IQCH: variants seen among roughly 807,000 people sequenced by gnomAD.
IQCH encodes the protein IQ domain-containing protein H.
In IQCH, 98 loss-of-function variants were observed where a neutral mutation model predicts 117.0. The ratio of observed to expected loss-of-function variants is 0.84; its 90% CI spans 0.71 to 0.99. IQCH has a LOEUF of 0.99. IQCH is among the 50% of genes least tolerant of loss of function. The probability of loss-of-function intolerance (pLI) is 0.00; values close to 1 mark genes in which losing one functional copy is unlikely to be tolerated. For missense variants in IQCH, 1,102 were observed against 1,243.8 expected, an observed-to-expected ratio of 0.89 and a Z score of 1.72; for synonymous variants, 412 against 448.2, an observed-to-expected ratio of 0.92 and a Z score of 1.02.
At position 67,387,566 on chromosome 15, in the gene IQCH, T is replaced by C. The variant is rs1971147184; in HGVS notation, c.1457-1265T>C. Among the ~76,000 whole-genome samples, 1 of 152,078 alleles carries C rather than the reference T, an allele frequency of 6.6e-6. No individual in the cohort carries two copies. The highest frequency in any genetic ancestry group is 6.5e-5 in the Admixed American group (1 of 15,272). On this transcript the variant is annotated intron_variant, in intron 11 of 20. Coordinates refer to ENST00000335894, the MANE Select transcript of IQCH (RefSeq NM_001031715.3). The surrounding 1 kb of genome is among the most constrained non-coding windows in gnomAD (Gnocchi z 4.8). Reference sequence around the variant, plus strand: ...GAGAACACTACTTCATGTTAAATCTTGCACTGATCAAAAGGAATGTAGGTG... The same window carrying C: ...GAGAACACTACTTCATGTTAAATCTCGCACTGATCAAAAGGAATGTAGGTG...
chr15:67,275,879 CAAAT>C (rs958938998), intron 3 of IQCH, among the ~76,000 whole-genome samples: 1 of 151,962 alleles, frequency 6.6e-6, no homozygotes, highest in Non-Finnish European at 1.5e-5. Flanking sequence ...GATCTTGTTT[CAAAT>C]AAATAAATAT....
At chr15:67,392,622 C>T (rs900439828) in intron 12 of IQCH, among the ~76,000 whole-genome samples, 13 of 151,828 alleles carry the variant, frequency 8.6e-5, no homozygotes, top group African/African-American at 3.1e-4. Context: ...ACAAAAAATA[C>T]AAAAATTAGC....
chr15:67,269,979 C>G (rs1965835906), intron 3 of IQCH, among the ~76,000 whole-genome samples: 1 of 152,066 alleles, frequency 6.6e-6, no homozygotes, highest in Admixed American at 6.5e-5. Flanking sequence ...ATACTGGTTT[C>G]CTTTCTTTTG....
At chr15:67,265,580 A>G (rs865851931) in intron 3 of IQCH, among the ~76,000 whole-genome samples, 1 of 152,162 alleles carries the variant, frequency 6.6e-6, no homozygotes, top group South Asian at 2.1e-4. Context: ...CTGGAGAAAA[A>G]TCCAAACTGG....
At chr15:67,372,707 C>A in intron 9 of IQCH, 45 bp downstream of exon 9, 2 of 1,499,788 alleles carry the variant, frequency 1.3e-6, no homozygotes, top group East Asian at 2.3e-5. Flanking sequence ...TTTTTCTAAA[C>A]ATTTCGTGCT....
intron 4 of IQCH, among the ~76,000 whole-genome samples, chr15:67,313,358 T>C (rs1330706470): frequency 6.6e-6 from 1 of 152,110 alleles, no homozygotes; most frequent in African/African-American, 2.4e-5. Context: ...AAATTCTTTA[T>C]CTACATACTG....
chr15:67,318,551 G>A (rs1259506025), intron 4 of IQCH, among the ~76,000 whole-genome samples: 1 of 152,036 alleles, frequency 6.6e-6, no homozygotes, highest in Admixed American at 6.5e-5. Flanking sequence ...TTTTCAACTT[G>A]CTAGTATTCA....
At chr15:67,282,778 T>G (rs1238993732) in intron 4 of IQCH, among the ~76,000 whole-genome samples, 1 of 152,212 alleles carries the variant, frequency 6.6e-6, no homozygotes, top group Non-Finnish European at 1.5e-5. Flanking sequence ...AGTCACTTCT[T>G]TAAGCTCTCT....
chr15:67,397,543 T>C (rs1169021636), intron 13 of IQCH, among the ~76,000 whole-genome samples: 1 of 152,248 alleles, frequency 6.6e-6, no homozygotes, highest in Non-Finnish European at 1.5e-5. Context: ...ACCCTATCTA[T>C]TCTATCTGAG....
Position 67,422,849 on chromosome 15 carries a change from A to G in IQCH, c.2505+1272A>G, listed in dbSNP as rs1050563896. On this transcript the variant is annotated intron_variant, in intron 16 of 20. Transcript: ENST00000335894. The surrounding 1 kb of genome is among the most constrained non-coding windows in gnomAD (Gnocchi z 4.7). ...TAAAATGTCCGGTTGCTCCTCTCTT[A>G]GTGCTGCATGTCCAGACCTCTGTCT... Among the ~76,000 whole-genome samples, 1 of 152,138 alleles carries G rather than the reference A, an allele frequency of 6.6e-6. No individual in the cohort carries two copies. The highest frequency in any genetic ancestry group is 6.5e-5 in the Admixed American group (1 of 15,276).
rs940500449 is a variant in IQCH, at chr15:67,416,408, T to C, written c.2098-523T>C. Among the ~76,000 whole-genome samples the C allele has an allele frequency of 2.0e-5, 3 of 151,716 alleles. No individual in the cohort carries two copies. The highest frequency in any genetic ancestry group is 7.3e-5 in the African/African-American group (3 of 41,262). ...GACGCATGCCTGTAGTCCCAGCTACTCGGGAGGCTGAGGCAGGAGAATCAC... is the reference window on the plus strand; with the variant it reads ...GACGCATGCCTGTAGTCCCAGCTACCCGGGAGGCTGAGGCAGGAGAATCAC... On this transcript the variant is annotated intron_variant, in intron 14 of 20. Coordinates refer to ENST00000335894, the MANE Select transcript of IQCH (RefSeq NM_001031715.3). This position sits in a 1 kb window ranked among gnomAD's most constrained non-coding sequence, Gnocchi z 5.1.
intron 16 of IQCH, among the ~76,000 whole-genome samples, chr15:67,450,579 G>T (rs1259815137): frequency 2.0e-5 from 3 of 152,178 alleles, no homozygotes; most frequent in African/African-American, 4.8e-5. Context: ...AAGCCCACTT[G>T]ATCATGGTGG....
At position 67,395,394 on chromosome 15, in the gene IQCH, T is replaced by G; in HGVS notation, c.1736T>G (p.Leu579Arg). Residue 579 changes from leucine (L) to arginine (R), a missense_variant, in exon 13 of 21, where the codon CTC becomes CGC. Leu to Arg is a moderately radical substitution (Grantham distance 102). Around this residue, in one of 2 missense-constraint regions of IQCH, gnomAD observed 650 missense variants for 794.3 expected, o/e 0.82. Coordinates refer to ENST00000335894, the MANE Select transcript of IQCH (RefSeq NM_001031715.3). This position sits in a 1 kb window ranked among gnomAD's most constrained non-coding sequence, Gnocchi z 4.0. ...RGTEAYIVSG[L>R]LHRDDLAVAD... is the part of the protein sequence containing the mutation. Reference sequence around the variant, plus strand: ...ACAGAGGCCTACATCGTCAGCGGGCTCCTCCACAGAGATGATTTAGCTGTG... The same window carrying G: ...ACAGAGGCCTACATCGTCAGCGGGCGCCTCCACAGAGATGATTTAGCTGTG... 6.2e-7 allele frequency: 1 copy of G among 1,614,058 alleles called. No individual in the cohort carries two copies. Among genetic ancestry groups the G allele is most frequent in the African/African-American group, 1.3e-5 (1 of 75,016 alleles).
intron 6 of IQCH, among the ~76,000 whole-genome samples, chr15:67,346,803 C>G (rs1466405646): frequency 1.3e-5 from 2 of 152,016 alleles, no homozygotes; most frequent in Non-Finnish European, 2.9e-5. Flanking sequence ...TATTCTGGAC[C>G]ATAAAACAAA....
chr15:67,327,186 G>A (rs1012850927), intron 4 of IQCH, among the ~76,000 whole-genome samples: 1 of 152,102 alleles, frequency 6.6e-6, no homozygotes, highest in Non-Finnish European at 1.5e-5. Context: ...TTAGAAGTGA[G>A]TACAAGTCAT....
rs1970948309 is a variant in IQCH at position 67,381,990 on chromosome 15, AAAG to A, written c.1373-2943_1373-2941del. On this transcript the variant is annotated intron_variant, in intron 10 of 20. Transcript: ENST00000335894. The surrounding 1 kb of genome is among the most constrained non-coding windows in gnomAD (Gnocchi z 5.1). ...GAGTGATACCCTGTCAAAAAAAAAA[AAAG>A]AATTAAAAGATTTTTTGAGTACGGG... Among the ~76,000 whole-genome samples the A allele has an allele frequency of 6.6e-6, 1 of 152,060 alleles. No homozygotes were observed. Among genetic ancestry groups the A allele is most frequent in the Non-Finnish European group, 1.5e-5 (1 of 67,996 alleles).
chr15:67,426,850 A>T lies in IQCH; in HGVS notation c.2505+5273A>T, dbSNP rs1700917424. Among the ~76,000 whole-genome samples the T allele has an allele frequency of 6.6e-6, 1 of 151,866 alleles. No individual in the cohort carries two copies. Among genetic ancestry groups the T allele is most frequent in the Non-Finnish European group, 1.5e-5 (1 of 67,960 alleles). On this transcript the variant is annotated intron_variant, in intron 16 of 20. Transcript: ENST00000335894. The surrounding 1 kb of genome is among the most constrained non-coding windows in gnomAD (Gnocchi z 5.1). ...AAATAAACAAAATTAGCCAAGCATAATGGCACTCATCTGTGATTCCAGCTA... is the reference window on the plus strand; with the variant it reads ...AAATAAACAAAATTAGCCAAGCATATTGGCACTCATCTGTGATTCCAGCTA...
At chr15:67,292,521 G>C (rs530930564) in intron 4 of IQCH, among the ~76,000 whole-genome samples, 2 of 152,182 alleles carry the variant, frequency 1.3e-5, no homozygotes, top group Non-Finnish European at 2.9e-5. Context: ...CCAAAATGCT[G>C]GGATTACAGG....
At chr15:67,266,173 T>A (rs1965660741) in intron 3 of IQCH, among the ~76,000 whole-genome samples, 1 of 150,580 alleles carries the variant, frequency 6.6e-6, no homozygotes, top group South Asian at 2.1e-4. Flanking sequence ...AGTGAATACA[T>A]TATAAAATGT....
Sources: gnomAD v4.1 joint callset for allele counts (sites outside exome capture counted in the v4.1 genomes callset) on GRCh38, gnomAD v4.1.1 for gene constraint, gnomAD v4.1.1 regional missense constraint, Gnocchi (gnomAD v3.1) non-coding constraint, MANE v1.5 for transcripts, NCBI Gene and HGNC (gene_info 2026-07-23, HGNC 2026-07-21) for gene names.